Variants in GSE1 observed in about 807,000 individuals in gnomAD.
The protein encoded by GSE1 is Gse1 coiled-coil protein, also known as genetic suppressor element 1.
Under a neutral mutation model 112.6 loss-of-function variants are expected in GSE1, and 32 were observed. The observed-to-expected ratio is 0.28, with a 90% CI of 0.21 to 0.38. GSE1 has a LOEUF of 0.38. Among genes scored for constraint, GSE1 ranks in the 10% least tolerant of loss-of-function variants. The pLI, the probability that GSE1 is intolerant of heterozygous loss-of-function variation, is 1.00. For synonymous variants in GSE1, 1,115 were observed against 735.6 expected, an observed-to-expected ratio of 1.52 and a Z score of -8.35; for missense variants, 2,348 against 1,699.2, an observed-to-expected ratio of 1.38 and a Z score of -6.71.
chr16:85,555,435 C>T (rs2045154831), upstream of GSE1: 1 of 982,508 alleles, frequency 1.0e-6, no homozygotes. Flanking sequence ...GGAGGGGAGC[C>T]GGCTCCCCAG....
intron 1 of GSE1, among the ~76,000 whole-genome samples, chr16:85,190,815 C>T (rs1222995533): frequency 1.3e-5 from 2 of 152,230 alleles, no homozygotes; most frequent in African/African-American, 4.8e-5. Context: ...GGATTCCTGG[C>T]CCAGGGCACA....
At chr16:85,637,051 G>A (rs1157548187) in intron 2 of GSE1, among the ~76,000 whole-genome samples, 1 of 152,240 alleles carries the variant, frequency 6.6e-6, no homozygotes, top group African/African-American at 2.4e-5. Flanking sequence ...CAATTCACAT[G>A]CCATAAAATT....
intron 11 of GSE1, 65 bp from the exon 12 acceptor site, chr16:85,664,950 C>T (rs1220818395): frequency 1.8e-6 from 2 of 1,102,132 alleles, no homozygotes; most frequent in Non-Finnish European, 2.8e-6. Context: ...GGCTAGAATC[C>T]CGCTGTCCTT....
At chr16:85,551,771 C>A (rs967139246), upstream of GSE1, among the ~76,000 whole-genome samples, 2 of 152,242 alleles carry the variant, frequency 1.3e-5, no homozygotes, top group African/African-American at 4.8e-5. Flanking sequence ...TACAGCTCTC[C>A]TTCCCGAGGA....
chr16:85,456,578 C>CTG (rs1567501870), intron 2 of GSE1, among the ~76,000 whole-genome samples: 11 of 67,658 alleles, frequency 1.6e-4, no homozygotes, highest in African/African-American at 5.3e-4. Context: ...CATTTTCCTG[C>CTG]CGTGTGTGTG....
rs192723520 is a variant in GSE1 at position 85,419,589 on chromosome 16, G to C, written c.2464+61946G>C. 1.6e-4 allele frequency among the ~76,000 whole-genome samples: 24 copies of C among 145,576 alleles called. No individual in the cohort carries two copies. The highest frequency in any genetic ancestry group is 6.2e-4 in the African/African-American group (24 of 38,738). Reference sequence around the variant, plus strand: ...TCACTGTACTCCAGCCTGGGCAATAGAGCAAGGCTGTGTCTCAAAAAAAAA... The same window carrying C: ...TCACTGTACTCCAGCCTGGGCAATACAGCAAGGCTGTGTCTCAAAAAAAAA... On this transcript the variant is annotated intron_variant, in intron 2 of 2. Coordinates refer to the GSE1 transcript ENST00000637419. This position sits in a 1 kb window ranked among gnomAD's most constrained non-coding sequence, Gnocchi z 6.5.
intron 1 of GSE1, among the ~76,000 whole-genome samples, chr16:85,348,954 C>G (rs2046798405): frequency 6.6e-6 from 1 of 152,076 alleles, no homozygotes; most frequent in Non-Finnish European, 1.5e-5. Context: ...CCAACCCCCA[C>G]CGCCCTGCCG....
intron 3 of GSE1, 84 bp from the exon 4 acceptor site, chr16:85,654,194 C>G: frequency 7.8e-7 from 1 of 1,280,038 alleles, no homozygotes; most frequent in Non-Finnish European, 1.1e-6. Flanking sequence ...TAGCGCCTTC[C>G]CGTGAGTCAG....
intron 1 of GSE1, among the ~76,000 whole-genome samples, chr16:85,618,704 C>T (rs942318458): frequency 1.3e-5 from 2 of 152,268 alleles, no homozygotes; most frequent in Non-Finnish European, 1.5e-5. Context: ...GCTGCCTAGG[C>T]TGGGGCGCAG....
intron 1 of GSE1, among the ~76,000 whole-genome samples, chr16:85,349,712 GTTC>G (rs2046815288): frequency 6.6e-6 from 1 of 152,160 alleles, no homozygotes; most frequent in South Asian, 2.1e-4. Context: ...GCGACGCCGT[GTTC>G]TTTTGTGTTG....
chr16:85,368,543 A>G (rs1450060066), intron 2 of GSE1, among the ~76,000 whole-genome samples: 1 of 151,780 alleles, frequency 6.6e-6, no homozygotes, highest in East Asian at 1.9e-4. Context: ...CATCTCTACA[A>G]AAAATTTTAA....
intron 2 of GSE1, among the ~76,000 whole-genome samples, chr16:85,501,202 C>A (rs2051355698): frequency 6.6e-6 from 1 of 151,686 alleles, no homozygotes; most frequent in African/African-American, 2.4e-5. Context: ...CGGGCTTTCA[C>A]CGTGTTAGCC....
chr16:85,251,356 A>G (rs958270816), intron 1 of GSE1, among the ~76,000 whole-genome samples: 30 of 152,364 alleles, frequency 2.0e-4, no homozygotes, highest in African/African-American at 7.2e-4. Flanking sequence ...ACCCAGCACA[A>G]ATAACACAGA....
chr16:85,613,866 G>A (rs1037462464), intron 1 of GSE1, among the ~76,000 whole-genome samples: 4 of 148,748 alleles, frequency 2.7e-5, no homozygotes, highest in East Asian at 2.0e-4. Flanking sequence ...GTGTGGGGGG[G>A]GGGGGTGCTC....
At chr16:85,650,257 A>G (rs1471876081) in intron 3 of GSE1, among the ~76,000 whole-genome samples, 4 of 152,062 alleles carry the variant, frequency 2.6e-5, no homozygotes, top group African/African-American at 9.7e-5. Flanking sequence ...AGTTGTTACC[A>G]GCTCCGCTGC....
chr16:85,624,683 C>T (rs2048953995), intron 1 of GSE1, among the ~76,000 whole-genome samples: 1 of 152,208 alleles, frequency 6.6e-6, no homozygotes, highest in Non-Finnish European at 1.5e-5. Flanking sequence ...GAATCTCCAG[C>T]CTCCGTTCAG....
chr16:85,646,943 G>A (rs935260316), intron 2 of GSE1, among the ~76,000 whole-genome samples: 14 of 152,220 alleles, frequency 9.2e-5, no homozygotes, highest in African/African-American at 3.4e-4. Flanking sequence ...TTGGGGACAG[G>A]AGGACTCTTG....
chr16:85,663,639 G>A (rs772362524), intron 11 of GSE1, 25 bp downstream of exon 11: 4 of 1,595,454 alleles, frequency 2.5e-6, no homozygotes, highest in East Asian at 4.5e-5. Context: ...GGGTAGGAAG[G>A]TGGGGGCTCA....
At chr16:85,335,081 G>A (rs2046454475) in intron 1 of GSE1, among the ~76,000 whole-genome samples, 2 of 152,186 alleles carry the variant, frequency 1.3e-5, no homozygotes, top group African/African-American at 2.4e-5. Flanking sequence ...TTTCCCGTGC[G>A]GTGGGACTCC....
Sources: gnomAD v4.1 joint callset for allele counts (sites outside exome capture counted in the v4.1 genomes callset) on GRCh38, gnomAD v4.1.1 for gene constraint, Gnocchi (gnomAD v3.1) non-coding constraint, MANE v1.5 for transcripts, NCBI Gene and HGNC (gene_info 2026-07-23, HGNC 2026-07-21) for gene names.